ADGRL2: variants seen among roughly 807,000 people sequenced by gnomAD.
ADGRL2 encodes calcium-independent alpha-latrotoxin receptor 2.
A neutral mutation model predicts 157.4 loss-of-function variants in ADGRL2; 44 were observed. The observed-to-expected ratio is 0.28, with a 90% confidence interval of 0.22 to 0.36. The LOEUF (loss-of-function observed/expected upper bound fraction) is 0.36, where lower values mean the gene tolerates loss of function less well. Among genes scored for constraint, ADGRL2 ranks in the 10% least tolerant of loss-of-function variants. The pLI, the probability that ADGRL2 is intolerant of heterozygous loss-of-function variation, is 1.00. For missense variants in ADGRL2, 1,510 were observed against 1,768.9 expected (o/e 0.85, Z 2.63); for synonymous variants, 585 against 624.7 (o/e 0.94, Z 0.95).
intron 1 of ADGRL2, among the ~76,000 whole-genome samples, chr1:81,350,379 A>G (rs1662796686): frequency 6.6e-6 from 1 of 152,222 alleles, no homozygotes; most frequent in South Asian, 2.1e-4. Flanking sequence ...CACAATGAAC[A>G]TTTGTAAAAG....
At chr1:81,981,078 C>T (rs1352979298) in intron 18 of ADGRL2, 4 of 431,370 alleles carry the variant, frequency 9.3e-6, no homozygotes, top group South Asian at 8.0e-5. Context: ...TATTTTAATT[C>T]TGTCTAATAA....
At chr1:81,767,489 G>A (rs1228274356) in intron 2 of ADGRL2, among the ~76,000 whole-genome samples, 1 of 152,008 alleles carries the variant, frequency 6.6e-6, no homozygotes, top group Non-Finnish European at 1.5e-5. Context: ...ATCCTATAAG[G>A]CACAGGATAG....
At chr1:81,746,115 T>C (rs1372238829) in intron 1 of ADGRL2, among the ~76,000 whole-genome samples, 1 of 152,188 alleles carries the variant, frequency 6.6e-6, no homozygotes, top group Non-Finnish European at 1.5e-5. Flanking sequence ...TGGAAAGTTT[T>C]CATTTTGATT....
chr1:81,993,290 C>CT lies in ADGRL2; in HGVS notation c.*2145_*2146insT, dbSNP rs1261881336. The stretch of plus-strand genomic sequence containing the variant: ...TTATAAACTACTTGCTAAAGGAGGG[C>CT]ATTAGATAATCAAGTATTTTTAATT... On this transcript the variant is annotated 3_prime_UTR_variant, in exon 24 of 24. Coordinates refer to ENST00000686636, the MANE Select transcript of ADGRL2 (RefSeq NM_001366006.2). Among the ~76,000 whole-genome samples the CT allele has an allele frequency of 6.6e-6, 1 of 150,602 alleles. No individual in the cohort carries two copies.
At chr1:81,689,069 G>C (rs1444108467) in intron 3 of ADGRL2, among the ~76,000 whole-genome samples, 1 of 152,142 alleles carries the variant, frequency 6.6e-6, no homozygotes, top group Admixed American at 6.5e-5. Context: ...ACCAGTGCCT[G>C]TTCTGGTGGA....
intron 1 of ADGRL2, among the ~76,000 whole-genome samples, chr1:81,308,482 GA>G: frequency 6.6e-6 from 1 of 152,252 alleles, no homozygotes. Context: ...GAAACTAAAG[GA>G]TGCCCTTTCA....
chr1:81,783,195 C>T (rs571051339), intron 2 of ADGRL2, among the ~76,000 whole-genome samples: 2 of 152,160 alleles, frequency 1.3e-5, no homozygotes, highest in Admixed American at 6.5e-5. Flanking sequence ...GCGATCTCAG[C>T]GCATTGCAAC....
rs546010358 is a variant in ADGRL2 at position 81,763,564 on chromosome 1, C to T, written c.-101+1712C>T. Among the ~76,000 whole-genome samples, 34 of 132,014 alleles carry T rather than the reference C, an allele frequency of 2.6e-4. No individual in the cohort carries two copies. The South Asian group carries it at 5.0e-3, about 19-fold the overall frequency. 86.6% of individuals were successfully genotyped at this position (132,014 alleles called of 152,430 possible). A position where few individuals can be genotyped will look rare whatever the true frequency, so the allele number is the denominator to read the frequency against. On this transcript the variant is annotated intron_variant, in intron 2 of 20. Coordinates refer to the ADGRL2 transcript ENST00000359929. Reference sequence around the variant, plus strand: ...AGACTGCACCATTGCACTCCGGTCTCGGTGACAGAGCAAGATTCAGTCTCA... The same window carrying T: ...AGACTGCACCATTGCACTCCGGTCTTGGTGACAGAGCAAGATTCAGTCTCA...
chr1:81,794,156 A>C (rs2149429377), intron 2 of ADGRL2, among the ~76,000 whole-genome samples: 1 of 152,324 alleles, frequency 6.6e-6, no homozygotes, highest in South Asian at 2.1e-4. Context: ...ATAATAAATA[A>C]GAAATTAGCT....
upstream of ADGRL2, among the ~76,000 whole-genome samples, chr1:81,795,817 C>T (rs2087557196): frequency 1.3e-5 from 2 of 152,216 alleles, no homozygotes; most frequent in Non-Finnish European, 2.9e-5. Flanking sequence ...CTAAGCAATA[C>T]ATGATACTTT....
chr1:81,724,514 T>G (rs1557598285), intron 1 of ADGRL2, among the ~76,000 whole-genome samples: 1 of 152,112 alleles, frequency 6.6e-6, no homozygotes, highest in Non-Finnish European at 1.5e-5. Flanking sequence ...AATAGTGTAA[T>G]CCTACCCCCA....
At chr1:81,519,540 T>C (rs1364413182) in intron 2 of ADGRL2, among the ~76,000 whole-genome samples, 1 of 152,180 alleles carries the variant, frequency 6.6e-6, no homozygotes, top group East Asian at 1.9e-4. Flanking sequence ...ATAATCTAAA[T>C]ATACTTGGCA....
At chr1:81,703,367 G>A (rs991213729) in intron 1 of ADGRL2, among the ~76,000 whole-genome samples, 2 of 152,196 alleles carry the variant, frequency 1.3e-5, no homozygotes, top group Non-Finnish European at 2.9e-5. Flanking sequence ...GTGATTAATG[G>A]AACAGGAGTT....
chr1:81,488,150 T>C (rs1246439106), intron 2 of ADGRL2, among the ~76,000 whole-genome samples: 1 of 151,882 alleles, frequency 6.6e-6, no homozygotes, highest in East Asian at 1.9e-4. Context: ...TTTGAGGAAA[T>C]TAAAGGCTAG....
chr1:81,705,985 C>T (rs780527360), intron 1 of ADGRL2, among the ~76,000 whole-genome samples: 5 of 151,864 alleles, frequency 3.3e-5, no homozygotes, highest in Admixed American at 6.5e-5. Context: ...CCAAGGCGGG[C>T]GGATCACGAG....
intron 2 of ADGRL2, among the ~76,000 whole-genome samples, chr1:81,840,047 T>C (rs1310413520): frequency 6.6e-6 from 1 of 151,524 alleles, no homozygotes; most frequent in East Asian, 1.9e-4. Flanking sequence ...TGTGCTGCTG[T>C]AACCATGCAT....
intron 3 of ADGRL2, among the ~76,000 whole-genome samples, chr1:81,920,871 A>G (rs751247620): frequency 3.9e-4 from 59 of 151,598 alleles, no homozygotes; most frequent in Non-Finnish European, 7.2e-4. Flanking sequence ...AGGAAAAAAA[A>G]AACAAAAAAA....
chr1:81,455,726 T>C (rs2101767337), intron 2 of ADGRL2, among the ~76,000 whole-genome samples: 1 of 152,348 alleles, frequency 6.6e-6, no homozygotes, highest in Admixed American at 6.5e-5. Context: ...AACAAAGAAC[T>C]ACACATATAT....
intron 1 of ADGRL2, among the ~76,000 whole-genome samples, chr1:81,424,564 CT>C (rs2077178862): frequency 6.6e-6 from 1 of 152,142 alleles, no homozygotes; most frequent in Non-Finnish European, 1.5e-5. Flanking sequence ...AAATAACTGC[CT>C]CTATCATTGT....
Sources: gnomAD v4.1 joint callset for allele counts (sites outside exome capture counted in the v4.1 genomes callset) on GRCh38, gnomAD v4.1.1 for gene constraint, MANE v1.5 for transcripts, NCBI Gene and HGNC (gene_info 2026-07-23, HGNC 2026-07-21) for gene names.